The following INF2 variants were observed in gnomAD, a reference collection of about 807,000 sequenced individuals.
INF2 encodes inverted formin-2.
INF2 carries 43 observed loss-of-function variants against 123.5 expected under a neutral mutation model. That is an observed-to-expected ratio of 0.35 (90% CI 0.27 to 0.45). The LOEUF is 0.45. INF2 is among the 20% of genes least tolerant of loss of function. INF2 has a pLI of 1.00. For missense variants in INF2, 1,453 were observed against 1,682.7 expected, an observed-to-expected ratio of 0.86 and a Z score of 2.39; for synonymous variants, 851 against 745.0, an observed-to-expected ratio of 1.14 and a Z score of -2.32.
rs1890490072 is a variant in INF2, at chr14:104,720,025, C to G, written c.*1232C>G. ...GTGCAATGATCCATTTTGAGAATCT[C>G]TCCGTCACCCCAAGAAGTCCTCTCG... On this transcript the variant is annotated 3_prime_UTR_variant, in exon 23 of 23. Coordinates refer to ENST00000392634, the MANE Select transcript of INF2 (RefSeq NM_022489.4). 6.6e-6 allele frequency: 1 copy of G among 152,504 alleles called. No individual in the cohort carries two copies. Among genetic ancestry groups the G allele is most frequent in the African/African-American group, 2.4e-5 (1 of 41,454 alleles). The allele number at this position is 152,504 out of a possible 1,614,324, so 9.4% of individuals were successfully genotyped here. A position where few individuals can be genotyped will look rare whatever the true frequency, so the allele number is the denominator to read the frequency against.
chr14:104,703,254 G>T (rs1318615439), intron 3 of INF2, 34 bp downstream of exon 3: 1 of 1,612,870 alleles, frequency 6.2e-7, no homozygotes, highest in East Asian at 2.2e-5. Flanking sequence ...GGCACATGGG[G>T]CTCCCTGCCT....
chr14:104,708,894 C>G (rs1889908015), intron 10 of INF2, among the ~76,000 whole-genome samples, 162 bp downstream of exon 10: 1 of 146,926 alleles, frequency 6.8e-6, no homozygotes, highest in South Asian at 2.2e-4. Flanking sequence ...GCTGCCCCAG[C>G]TAGGGGCTGT....
intron 4 of INF2, among the ~76,000 whole-genome samples, 161 bp downstream of exon 4, chr14:104,703,615 C>T (rs1225041379): frequency 6.6e-6 from 1 of 152,226 alleles, no homozygotes; most frequent in African/African-American, 2.4e-5. Context: ...CCTGCCCCTT[C>T]AATGGACACA....
chr14:104,701,600 G>T lies in INF2; in HGVS notation c.235G>T (p.Glu79Ter). 6.2e-7 allele frequency: 1 copy of T among 1,606,288 alleles called. No individual in the cohort carries two copies. Residue 79 changes from glutamate (E) to a stop codon, truncating the protein, a stop_gained, in exon 2 of 23, where the codon GAG (glutamate) becomes TAG (stop). Transcript: ENST00000392634. LOFTEE classifies it high-confidence loss of function. ...GCAGAGCGGCCTGGACCTGCTGCTG[G>T]AGGCGCTGGCGCGGCTGTCGGGCCG... ...LEQSGLDLLL[E>*]ALARLSGRGV...
At chr14:104,718,744 T>C (rs567903695) in intron 22 of INF2, 51 bp from the exon 23 acceptor site, 42 of 1,594,802 alleles carry the variant, frequency 2.6e-5, no homozygotes, top group Non-Finnish European at 3.6e-5. Flanking sequence ...CACCTGATAT[T>C]GTACCCAGCA....
chr14:104,712,160 C>A (rs967878376), intron 16 of INF2, among the ~76,000 whole-genome samples: 2 of 152,128 alleles, frequency 1.3e-5, no homozygotes, highest in African/African-American at 4.8e-5. Context: ...GCTCCACCTG[C>A]CCTGGAAGGT....
rs866553068 is a variant in INF2 at position 104,720,611 on chromosome 14, T to G, written c.*1818T>G. The G allele has an allele frequency of 2.5e-3, 192 of 77,536 alleles. 13 individuals are homozygous for G. The highest frequency in any genetic ancestry group is 0.013 in the African/African-American group (164 of 12,358). 4.8% of individuals were successfully genotyped at this position (77,536 alleles called of 1,614,324 possible). A position where few individuals can be genotyped will look rare whatever the true frequency, so the allele number is the denominator to read the frequency against. ...GTGGATGCTGCTGTGCACGTCTGCG[T>G]CGTCCTCGTGTGGATGCTGCTGTGG... is the stretch of plus-strand genomic sequence containing the variant. On this transcript the variant is annotated 3_prime_UTR_variant, in exon 23 of 23. Coordinates refer to ENST00000392634, the MANE Select transcript of INF2 (RefSeq NM_022489.4).
chr14:104,689,367 C>A, upstream of INF2: 1 of 663,470 alleles, frequency 1.5e-6, no homozygotes, highest in Non-Finnish European at 1.9e-6. Flanking sequence ...CCGATCTGCG[C>A]GTCCCACCCC....
Position 104,712,875 on chromosome 14 carries a change from C to T in INF2, c.2658C>T (p.Ile886=), listed in dbSNP as rs779334385. The T allele has an allele frequency of 3.1e-6, 5 of 1,612,524 alleles. No homozygotes were observed. The highest frequency in any genetic ancestry group is 1.7e-6 in the Non-Finnish European group (2 of 1,179,794). The change falls in exon 18 of 23, where the codon ATC becomes ATT. Residue 886 remains isoleucine, a synonymous_variant. Transcript: ENST00000392634. Reference sequence around the variant, plus strand: ...CACTGGATGAGCTGTTTGAGGCCATCGAGCAGAAGCAACGGGAGCTGGCCG... The same window carrying T: ...CACTGGATGAGCTGTTTGAGGCCATTGAGCAGAAGCAACGGGAGCTGGCCG... ...FRALDELFEA[I]EQKQRELADY...
At chr14:104,716,274 C>T (rs1328797480) in intron 22 of INF2, among the ~76,000 whole-genome samples, 1 of 152,258 alleles carries the variant, frequency 6.6e-6, no homozygotes, top group African/African-American at 2.4e-5. Flanking sequence ...TGGTGCCCAT[C>T]AGAGGCAAGA....
At chr14:104,710,320 AC>A (rs1889984783) in intron 13 of INF2, 132 bp downstream of exon 13, 3 of 672,522 alleles carry the variant, frequency 4.5e-6, no homozygotes, top group Non-Finnish European at 7.8e-6. Context: ...GCCAGCCTTC[AC>A]CACCACTCCG....
intron 1 of INF2, among the ~76,000 whole-genome samples, chr14:104,682,945 T>C (rs1355561867): frequency 6.6e-6 from 1 of 151,922 alleles, no homozygotes; most frequent in Non-Finnish European, 1.5e-5. Context: ...CAATGTTGGG[T>C]GTGCCTGGGA....
chr14:104,703,151 A>C lies in INF2; in HGVS notation c.438A>C (p.Leu146=), dbSNP rs1352639875. Residue 146 remains leucine (L), a synonymous_variant, in exon 3 of 23, where the codon CTA becomes CTC. Coordinates refer to ENST00000392634, the MANE Select transcript of INF2 (RefSeq NM_022489.4). ...TGGTGAAGAAGCAGGTGTTTGAGCT[A>C]CTGGCTGCCCTGTGCATCTACTCTC... ...NVMVKKQVFE[L]LAALCIYSPE... is the part of the protein sequence containing the mutation. 6.2e-7 allele frequency: 1 copy of C among 1,613,500 alleles called. No homozygotes were observed. The highest frequency in any genetic ancestry group is 1.3e-5 in the African/African-American group (1 of 74,930).
intron 21 of INF2, 79 bp downstream of exon 21, chr14:104,714,935 G>T: frequency 2.2e-6 from 3 of 1,394,182 alleles, no homozygotes; most frequent in Non-Finnish European, 2.8e-6. Flanking sequence ...TCCCCATTGG[G>T]CACTGCAAGT....
intron 18 of INF2, 91 bp downstream of exon 18, chr14:104,713,083 T>C (rs1890128172): frequency 1.2e-6 from 2 of 1,607,508 alleles, no homozygotes; most frequent in East Asian, 4.5e-5. Context: ...AGAGGCACCT[T>C]TCGTCGGGCC....
upstream of INF2, among the ~76,000 whole-genome samples, chr14:104,688,109 G>A (rs950914440): frequency 2.6e-5 from 4 of 152,382 alleles, no homozygotes; most frequent in African/African-American, 7.2e-5. Flanking sequence ...GCCGGAGGCC[G>A]GCCTTCCAGG....
chr14:104,708,291 G>T, intron 8 of INF2, 145 bp from the exon 9 acceptor site: 1 of 1,054,992 alleles, frequency 9.5e-7, no homozygotes, highest in South Asian at 1.6e-5. Flanking sequence ...TAGGGAGGTA[G>T]GGTGCCTGCT....
chr14:104,712,659 C>G, intron 17 of INF2, 106 bp downstream of exon 17: 1 of 1,552,100 alleles, frequency 6.4e-7, no homozygotes, highest in South Asian at 1.1e-5. Context: ...TCCTGGGGCC[C>G]GAGTTTCCCC....
intron 1 of INF2, among the ~76,000 whole-genome samples, chr14:104,691,538 T>C (rs1266122276): frequency 6.6e-6 from 1 of 152,078 alleles, no homozygotes; most frequent in Non-Finnish European, 1.5e-5. Flanking sequence ...CATGGCCCAG[T>C]GGACACATTA....
Sources: gnomAD v4.1 joint callset for allele counts (sites outside exome capture counted in the v4.1 genomes callset) on GRCh38, gnomAD v4.1.1 for gene constraint, MANE v1.5 for transcripts, NCBI Gene and HGNC (gene_info 2026-07-23, HGNC 2026-07-21) for gene names.